Variants in CSMD1 observed in about 807,000 individuals in gnomAD.
The protein encoded by CSMD1 is CUB and Sushi multiple domains 1, also known as CUB and sushi domain-containing protein 1.
In CSMD1, 213 loss-of-function variants were observed where a neutral mutation model predicts 417.5. The ratio of observed to expected loss-of-function variants is 0.51; its 90% CI spans 0.46 to 0.57. The LOEUF (loss-of-function observed/expected upper bound fraction) is 0.57, where lower values mean the gene tolerates loss of function less well. CSMD1 is among the 20% of genes least tolerant of loss of function. The pLI, the probability that CSMD1 is intolerant of heterozygous loss-of-function variation, is 0.00. For synonymous variants in CSMD1, 2,862 were observed against 1,736.8 expected (o/e 1.65, Z -16.11); for missense variants, 6,923 against 4,529.7 (o/e 1.53, Z -15.17).
chr8:3,226,809 G>A (rs983230798), intron 27 of CSMD1, among the ~76,000 whole-genome samples: 2 of 151,818 alleles, frequency 1.3e-5, no homozygotes, highest in African/African-American at 4.8e-5. Flanking sequence ...GAGGTTAAGA[G>A]ATTTTATAAA....
chr8:3,294,324 G>C (rs903014530), intron 25 of CSMD1, among the ~76,000 whole-genome samples: 2 of 152,084 alleles, frequency 1.3e-5, no homozygotes, highest in Admixed American at 1.3e-4. Context: ...GCTGTGTGCT[G>C]GGAGATCCAC....
At chr8:3,574,834 C>G (rs530469823) in intron 10 of CSMD1, 111 bp downstream of exon 10, 4 of 1,276,488 alleles carry the variant, frequency 3.1e-6, no homozygotes, top group South Asian at 3.3e-5. Context: ...CTTTTAAATT[C>G]AAACAGTAAA....
intron 50 of CSMD1, among the ~76,000 whole-genome samples, chr8:3,030,638 C>A (rs191402261): frequency 1.3e-5 from 2 of 151,882 alleles, no homozygotes; most frequent in African/African-American, 2.4e-5. Flanking sequence ...ATGTCCACCA[C>A]CATGCCCAGC....
At chr8:3,949,778 A>G (rs895978541) in intron 5 of CSMD1, among the ~76,000 whole-genome samples, 5 of 152,178 alleles carry the variant, frequency 3.3e-5, no homozygotes, top group Non-Finnish European at 5.9e-5. Flanking sequence ...GACAGCCACA[A>G]GCACTGTTGC....
At chr8:4,194,025 G>C (rs778298268) in intron 3 of CSMD1, among the ~76,000 whole-genome samples, 9 of 151,908 alleles carry the variant, frequency 5.9e-5, no homozygotes, top group African/African-American at 2.2e-4. Context: ...TGATATTTAA[G>C]GCATGATATT....
chr8:2,950,329 C>G lies in CSMD1; in HGVS notation c.10216G>C (p.Glu3406Gln). 6.2e-7 allele frequency: 1 copy of G among 1,611,368 alleles called. No homozygotes were observed. The highest frequency in any genetic ancestry group is 1.1e-5 in the South Asian group (1 of 91,026). Reference protein sequence around the residue: ...ELKLTGIYKKEEAHLLLKAFQ... With the variant: ...ELKLTGIYKKQEAHLLLKAFQ... ...GCTTTCAGGAGTAAGTGGGCCTCCT[C>G]CTTCTTGTAAATGCCTGTGAAAAGA... The change falls in exon 67 of 70, where the codon GAG becomes CAG. Residue 3406 changes from glutamate to glutamine, a missense_variant. Transcript: ENST00000635120.
chr8:4,550,179 T>C (rs1207477556), intron 2 of CSMD1, among the ~76,000 whole-genome samples: 2 of 151,982 alleles, frequency 1.3e-5, no homozygotes, highest in Non-Finnish European at 2.9e-5. Flanking sequence ...AAGAAGTTCA[T>C]GGGATGTGCT....
At chr8:3,050,164 C>A (rs975506884) in intron 50 of CSMD1, among the ~76,000 whole-genome samples, 1 of 151,260 alleles carries the variant, frequency 6.6e-6, no homozygotes, top group Non-Finnish European at 1.5e-5. Flanking sequence ...CTCAGAATCC[C>A]TAAGGGTCAA....
chr8:3,967,131 T>A (rs1164112448), intron 5 of CSMD1, among the ~76,000 whole-genome samples: 1 of 151,702 alleles, frequency 6.6e-6, no homozygotes, highest in Non-Finnish European at 1.5e-5. Context: ...ACTAATTTTG[T>A]CTATTTGCAT....
At chr8:3,958,863 G>A (rs1176956408) in intron 5 of CSMD1, among the ~76,000 whole-genome samples, 2 of 152,174 alleles carry the variant, frequency 1.3e-5, no homozygotes, top group African/African-American at 4.8e-5. Flanking sequence ...GTAAGTAGAT[G>A]ATAATGGAAA....
rs141741743 is a variant in CSMD1, at chr8:4,290,383, G to A, written c.415+129570C>T. On this transcript the variant is annotated intron_variant, in intron 3 of 69. Coordinates refer to ENST00000635120, the MANE Select transcript of CSMD1 (RefSeq NM_033225.6). ...AATGGAGGGAGAGAAGCCCAAAGACGTAGGAAGTGGTAAACACAGATCAGA... is the reference window on the plus strand; with the variant it reads ...AATGGAGGGAGAGAAGCCCAAAGACATAGGAAGTGGTAAACACAGATCAGA... Among the ~76,000 whole-genome samples the A allele has an allele frequency of 4.6e-3, 695 of 152,302 alleles. 7 individuals carry two copies. The highest frequency in any genetic ancestry group is 7.8e-3 in the Admixed American group (120 of 15,300).
chr8:3,341,173 G>A (rs1286636747), intron 23 of CSMD1, among the ~76,000 whole-genome samples: 1 of 152,108 alleles, frequency 6.6e-6, no homozygotes, highest in East Asian at 1.9e-4. Flanking sequence ...CTCGCCCACT[G>A]ACGCAAGCCT....
At chr8:3,942,174 G>A (rs1178727654) in intron 5 of CSMD1, among the ~76,000 whole-genome samples, 1 of 151,842 alleles carries the variant, frequency 6.6e-6, no homozygotes, top group Non-Finnish European at 1.5e-5. Flanking sequence ...GGAAAACAAG[G>A]TGTGGGCTCC....
intron 37 of CSMD1, among the ~76,000 whole-genome samples, chr8:3,175,513 T>TTCC (rs1820874852): frequency 5.6e-5 from 3 of 53,772 alleles, no homozygotes; most frequent in East Asian, 1.3e-3. Context: ...GCCTGCCTTT[T>TTCC]TTCCTTCCTT....
At chr8:3,175,097 A>G (rs1820822339) in intron 37 of CSMD1, among the ~76,000 whole-genome samples, 1 of 152,208 alleles carries the variant, frequency 6.6e-6, no homozygotes, top group Non-Finnish European at 1.5e-5. Flanking sequence ...CAAAATATAA[A>G]AGTGTGAATC....
intron 2 of CSMD1, among the ~76,000 whole-genome samples, chr8:4,421,375 A>C (rs992588042): frequency 3.3e-5 from 5 of 152,194 alleles, no homozygotes; most frequent in Admixed American, 3.3e-4. Context: ...GCAAGAACAG[A>C]GTACACATTT....
At chr8:4,341,706 T>G (rs371817649) in intron 3 of CSMD1, among the ~76,000 whole-genome samples, 1 of 152,150 alleles carries the variant, frequency 6.6e-6, no homozygotes, top group East Asian at 1.9e-4. Flanking sequence ...AACCTAAGAT[T>G]AGTCAATATG....
chr8:4,256,748 T>A (rs1358435353), intron 3 of CSMD1, among the ~76,000 whole-genome samples: 1 of 151,936 alleles, frequency 6.6e-6, no homozygotes, highest in African/African-American at 2.4e-5. Flanking sequence ...GGCAGTGAGG[T>A]ACAGGGCAGT....
At chr8:3,199,623 G>C in intron 33 of CSMD1, 91 bp downstream of exon 33, 5 of 606,290 alleles carry the variant, frequency 8.2e-6, no homozygotes, top group Non-Finnish European at 1.3e-5. Context: ...ATGCAGCTGA[G>C]ATGTTTTGAG....
Sources: allele counts gnomAD v4.1 joint callset (sites outside exome capture counted in the v4.1 genomes callset), GRCh38; gene constraint gnomAD v4.1.1; transcripts MANE v1.5; gene names NCBI Gene and HGNC (gene_info 2026-07-23, HGNC 2026-07-21).